Variants in NRXN3 observed in about 807,000 individuals in gnomAD.
The protein encoded by NRXN3 is neurexin III.
Under a neutral mutation model 137.6 loss-of-function variants are expected in NRXN3, and 32 were observed. The observed-to-expected ratio is 0.23, with a 90% CI of 0.18 to 0.31. The LOEUF is 0.31. Ranked by LOEUF, NRXN3 falls within the 10% of genes least tolerant of loss-of-function variation. The pLI, the probability that NRXN3 is intolerant of heterozygous loss-of-function variation, is 1.00. For synonymous variants in NRXN3, 798 were observed against 784.5 expected (o/e 1.02, Z -0.29); for missense variants, 1,574 against 2,062.5 (o/e 0.76, Z 4.59).
At chr14:79,318,095 A>G (rs561045330) in intron 15 of NRXN3, among the ~76,000 whole-genome samples, 12 of 152,362 alleles carry the variant, frequency 7.9e-5, no homozygotes, top group Admixed American at 5.2e-4. Flanking sequence ...CAATTTTAAA[A>G]GTATCTTCTT....
chr14:79,643,882 T>TGGAGG (rs1222927803), intron 16 of NRXN3, among the ~76,000 whole-genome samples: 20 of 135,750 alleles, frequency 1.5e-4, no homozygotes, highest in African/African-American at 4.9e-4. Context: ...GTCTCCATTA[T>TGGAGG]TGCCTTTACC....
chr14:78,626,727 G>C (rs976088816), intron 4 of NRXN3, among the ~76,000 whole-genome samples: 1 of 152,184 alleles, frequency 6.6e-6, no homozygotes, highest in Non-Finnish European at 1.5e-5. Context: ...TGCCTGGAGG[G>C]TTTTTGAGGG....
intron 4 of NRXN3, among the ~76,000 whole-genome samples, chr14:78,488,941 A>G (rs2095615124): frequency 6.6e-6 from 1 of 152,142 alleles, no homozygotes; most frequent in South Asian, 2.1e-4. Flanking sequence ...TAGTGTAGGT[A>G]GCACTTACCA....
intron 20 of NRXN3, among the ~76,000 whole-genome samples, chr14:79,823,729 G>T (rs568790347): frequency 1.3e-5 from 2 of 152,096 alleles, no homozygotes; most frequent in East Asian, 1.9e-4. Flanking sequence ...CGGAAGCTTC[G>T]CCAGACCCGT....
intron 4 of NRXN3, among the ~76,000 whole-genome samples, chr14:78,298,702 G>C (rs1166761906): frequency 2.0e-5 from 3 of 152,110 alleles, no homozygotes; most frequent in Non-Finnish European, 4.4e-5. Flanking sequence ...TCTGAGCCTT[G>C]GGATGATTGC....
chr14:78,434,276 T>G (rs575107300), intron 4 of NRXN3, among the ~76,000 whole-genome samples: 1 of 152,296 alleles, frequency 6.6e-6, no homozygotes, highest in African/African-American at 2.4e-5. Flanking sequence ...TTGGCAAGAT[T>G]GATTCCTTCT....
intron 15 of NRXN3, among the ~76,000 whole-genome samples, chr14:79,015,139 C>A (rs1489922836): frequency 1.3e-5 from 2 of 152,098 alleles, no homozygotes; most frequent in African/African-American, 4.8e-5. Context: ...AATCTCTGGA[C>A]CTCTACTTAA....
intron 16 of NRXN3, among the ~76,000 whole-genome samples, chr14:79,495,897 G>T (rs1300107828): frequency 6.6e-6 from 1 of 150,910 alleles, no homozygotes; most frequent in Non-Finnish European, 1.5e-5. Flanking sequence ...AAAGTCGATG[G>T]TATTTATTTT....
chr14:79,428,017 CTG>C (rs1048161393), intron 15 of NRXN3, among the ~76,000 whole-genome samples: 1 of 151,732 alleles, frequency 6.6e-6, no homozygotes, highest in African/African-American at 2.4e-5. Flanking sequence ...GTGTTTCGAT[CTG>C]TGTGTGTTGG....
intron 4 of NRXN3, among the ~76,000 whole-genome samples, chr14:78,305,479 G>C (rs2077279161): frequency 6.6e-6 from 1 of 152,046 alleles, no homozygotes. Flanking sequence ...GCCTTCTAAT[G>C]CTGAGCTAAT....
At chr14:79,092,078 G>T (rs570536315) in intron 15 of NRXN3, among the ~76,000 whole-genome samples, 1 of 152,098 alleles carries the variant, frequency 6.6e-6, no homozygotes, top group Non-Finnish European at 1.5e-5. Flanking sequence ...CTATCTTAAG[G>T]TTGTTTATAA....
intron 19 of NRXN3, among the ~76,000 whole-genome samples, chr14:79,737,920 G>A (rs2098947824): frequency 2.0e-5 from 3 of 152,066 alleles, no homozygotes; most frequent in South Asian, 4.1e-4. Context: ...TTCCAAAAGT[G>A]GCAGGCTTCA....
chr14:79,047,584 A>G (rs1036800105), intron 15 of NRXN3, among the ~76,000 whole-genome samples: 2 of 152,190 alleles, frequency 1.3e-5, no homozygotes, highest in Non-Finnish European at 2.9e-5. Flanking sequence ...TATTCACAAC[A>G]TATGAGGATC....
intron 10 of NRXN3, among the ~76,000 whole-genome samples, chr14:78,838,681 C>T (rs2099003637): frequency 6.6e-6 from 1 of 152,058 alleles, no homozygotes; most frequent in South Asian, 2.1e-4. Flanking sequence ...GTAGTTTTGG[C>T]CAAGGAGAGT....
chr14:79,482,240 G>T (rs1341737934), intron 16 of NRXN3, among the ~76,000 whole-genome samples: 1 of 152,176 alleles, frequency 6.6e-6, no homozygotes, highest in Admixed American at 6.5e-5. Flanking sequence ...CTTGGCCCAT[G>T]CCCAGGAATG....
intron 4 of NRXN3, among the ~76,000 whole-genome samples, chr14:78,311,604 T>G (rs1486079953): frequency 6.6e-6 from 1 of 152,184 alleles, no homozygotes; most frequent in Non-Finnish European, 1.5e-5. Context: ...GTGGCCTAAG[T>G]CAATTCTTCC....
At chr14:78,926,420 A>G (rs1295928391) in intron 10 of NRXN3, among the ~76,000 whole-genome samples, 1 of 150,608 alleles carries the variant, frequency 6.6e-6, no homozygotes, top group East Asian at 2.0e-4. Context: ...AAAACAGTGA[A>G]TAAATACTGT....
chr14:79,765,549 A>G (rs1156274800), intron 19 of NRXN3, among the ~76,000 whole-genome samples: 1 of 152,186 alleles, frequency 6.6e-6, no homozygotes, highest in East Asian at 1.9e-4. Flanking sequence ...GACAGATACA[A>G]TGGCTATGTG....
intron 4 of NRXN3, among the ~76,000 whole-genome samples, chr14:78,510,370 G>A (rs1567798717): frequency 6.6e-6 from 1 of 151,924 alleles, no homozygotes; most frequent in Non-Finnish European, 1.5e-5. Flanking sequence ...TAATCCTCTG[G>A]AACTCTATGC....
Sources: allele counts gnomAD v4.1 joint callset (sites outside exome capture counted in the v4.1 genomes callset), GRCh38; gene constraint gnomAD v4.1.1; transcripts MANE v1.5; gene names NCBI Gene and HGNC (gene_info 2026-07-23, HGNC 2026-07-21).